SLC9A9: variants seen among roughly 807,000 people sequenced by gnomAD.
SLC9A9 encodes sodium/hydrogen exchanger 9.
In SLC9A9, 62 loss-of-function variants were observed where a neutral mutation model predicts 77.8. The ratio of observed to expected loss-of-function variants is 0.80; its 90% CI spans 0.65 to 0.98. The LOEUF is 0.98. Among genes scored for constraint, SLC9A9 ranks in the 50% least tolerant of loss-of-function variants. The pLI, the probability that SLC9A9 is intolerant of heterozygous loss-of-function variation, is 0.00. For missense variants in SLC9A9, 775 were observed against 774.9 expected, an observed-to-expected ratio of 1.00 and a Z score of 0.00; for synonymous variants, 320 against 283.5, an observed-to-expected ratio of 1.13 and a Z score of -1.29.
chr3:143,517,649 AGTC>A, intron 9 of SLC9A9: 2 of 1,597,312 alleles, frequency 1.3e-6, no homozygotes, highest in Non-Finnish European at 8.5e-7. Flanking sequence ...CTGGCCTAGA[AGTC>A]TGTGTGCTTT....
intron 4 of SLC9A9, among the ~76,000 whole-genome samples, chr3:143,738,710 C>T (rs1935002573): frequency 1.3e-5 from 2 of 152,092 alleles, no homozygotes; most frequent in South Asian, 4.1e-4. Context: ...TAGTTCTGAC[C>T]CACTGTCTAG....
chr3:143,409,389 C>T (rs949690522), intron 12 of SLC9A9, among the ~76,000 whole-genome samples: 11 of 152,158 alleles, frequency 7.2e-5, no homozygotes, highest in African/African-American at 2.7e-4. Flanking sequence ...TTATAAGCAC[C>T]TCTGAGAGTC....
chr3:143,640,779 G>A (rs939360151), intron 6 of SLC9A9, among the ~76,000 whole-genome samples: 2 of 152,162 alleles, frequency 1.3e-5, no homozygotes, highest in South Asian at 2.1e-4. Flanking sequence ...TTGAACCTGG[G>A]AGGTGTAGGT....
intron 13 of SLC9A9, among the ~76,000 whole-genome samples, chr3:143,379,578 G>A (rs1234950336): frequency 6.6e-6 from 1 of 152,196 alleles, no homozygotes; most frequent in East Asian, 1.9e-4. Context: ...CAGTTCAGGA[G>A]GCGCCATGTC....
intron 11 of SLC9A9, among the ~76,000 whole-genome samples, chr3:143,467,602 A>G (rs1371460076): frequency 6.6e-6 from 1 of 152,062 alleles, no homozygotes; most frequent in Non-Finnish European, 1.5e-5. Flanking sequence ...TAAATTAGCC[A>G]GGCATGGTGG....
chr3:143,492,733 C>T (rs2108590050), intron 11 of SLC9A9, among the ~76,000 whole-genome samples: 1 of 152,310 alleles, frequency 6.6e-6, no homozygotes, highest in South Asian at 2.1e-4. Flanking sequence ...TGGCAAATAG[C>T]AAGTGCTAAT....
At chr3:143,477,689 T>C (rs1279241798) in intron 11 of SLC9A9, among the ~76,000 whole-genome samples, 3 of 152,282 alleles carry the variant, frequency 2.0e-5, no homozygotes, top group Non-Finnish European at 4.4e-5. Context: ...GGAGTCTGTG[T>C]GTCACAGAAG....
chr3:143,742,589 T>A (rs1935100447), intron 4 of SLC9A9, among the ~76,000 whole-genome samples: 1 of 152,180 alleles, frequency 6.6e-6, no homozygotes, highest in South Asian at 2.1e-4. Flanking sequence ...TCTGAGAAAC[T>A]GTCACAGCTA....
chr3:143,711,617 T>A (rs915778714), intron 4 of SLC9A9, among the ~76,000 whole-genome samples: 1 of 149,904 alleles, frequency 6.7e-6, no homozygotes, highest in Non-Finnish European at 1.5e-5. Context: ...GGACTCAGCA[T>A]CTTGCCCAGG....
At chr3:143,564,795 A>G (rs2037142614) in intron 8 of SLC9A9, among the ~76,000 whole-genome samples, 1 of 152,204 alleles carries the variant, frequency 6.6e-6, no homozygotes, top group African/African-American at 2.4e-5. Context: ...TGCTGAGTAT[A>G]TAGATATGCA....
At chr3:143,828,287 T>C (rs1453170547) in intron 2 of SLC9A9, among the ~76,000 whole-genome samples, 1 of 152,174 alleles carries the variant, frequency 6.6e-6, no homozygotes, top group Non-Finnish European at 1.5e-5. Context: ...TATGTTTCTC[T>C]AGCCATATGT....
intron 4 of SLC9A9, among the ~76,000 whole-genome samples, chr3:143,762,931 G>A (rs1217754859): frequency 6.6e-6 from 1 of 152,184 alleles, no homozygotes; most frequent in African/African-American, 2.4e-5. Flanking sequence ...CAAACAGTGG[G>A]AAGCAATCAG....
chr3:143,434,084 T>C (rs879441897), intron 12 of SLC9A9, among the ~76,000 whole-genome samples: 1 of 152,176 alleles, frequency 6.6e-6, no homozygotes, highest in Non-Finnish European at 1.5e-5. Context: ...ATATGGCACA[T>C]AGTAGCACTG....
intron 14 of SLC9A9, among the ~76,000 whole-genome samples, chr3:143,328,164 G>T (rs953302106): frequency 5.3e-5 from 8 of 152,180 alleles, no homozygotes; most frequent in African/African-American, 9.7e-5. Flanking sequence ...CCCACGGAAT[G>T]CATAACACAA....
chr3:143,428,857 A>G (rs1175483143), intron 12 of SLC9A9, among the ~76,000 whole-genome samples: 1 of 152,192 alleles, frequency 6.6e-6, no homozygotes, highest in African/African-American at 2.4e-5. Context: ...GTGGAGTCCA[A>G]ACAGTTGATT....
Position 143,467,727 on chromosome 3 carries a change from A to AAGAGAGAGAGAGAGAGAGAGAGAGAGAG in SLC9A9, c.1316-565_1316-538dup, listed in dbSNP as rs111531862. 2.5e-4 allele frequency among the ~76,000 whole-genome samples: 36 copies of AAGAGAGAGAGAGAGAGAGAGAGAGAGAG among 144,802 alleles called. 1 individual carries two copies. Among genetic ancestry groups the AAGAGAGAGAGAGAGAGAGAGAGAGAGAG allele is most frequent in the Admixed American group, 9.0e-4 (13 of 14,412 alleles). The allele number at this position is 144,802 out of a possible 152,430, so 95.0% of individuals were successfully genotyped here. A position where few individuals can be genotyped will look rare whatever the true frequency, so the allele number is the denominator to read the frequency against. On this transcript the variant is annotated intron_variant, in intron 11 of 15. Coordinates refer to ENST00000316549, the MANE Select transcript of SLC9A9 (RefSeq NM_173653.4). ...GTGACAGAATAAGTCCCTGGCTCTA[A>AAGAGAGAGAGAGAGAGAGAGAGAGAGAG]AGAGAGAGAGAGAGAGAGAGAGAGA...
At chr3:143,620,879 T>A (rs2038194955) in intron 6 of SLC9A9, among the ~76,000 whole-genome samples, 1 of 151,936 alleles carries the variant, frequency 6.6e-6, no homozygotes, top group African/African-American at 2.4e-5. Context: ...AAGAAAGGGG[T>A]GACAGACGGC....
At chr3:143,416,854 C>T (rs563188827) in intron 12 of SLC9A9, among the ~76,000 whole-genome samples, 9 of 152,240 alleles carry the variant, frequency 5.9e-5, no homozygotes, top group South Asian at 2.1e-4. Context: ...TACATGCATT[C>T]GCACGTATAT....
At chr3:143,312,116 T>G (rs571342190) in intron 14 of SLC9A9, among the ~76,000 whole-genome samples, 1 of 152,260 alleles carries the variant, frequency 6.6e-6, no homozygotes, top group South Asian at 2.1e-4. Context: ...TGCAGGAAAA[T>G]AATCAGTTGC....
Sources: allele counts gnomAD v4.1 joint callset (sites outside exome capture counted in the v4.1 genomes callset), GRCh38; gene constraint gnomAD v4.1.1; transcripts MANE v1.5; gene names NCBI Gene and HGNC (gene_info 2026-07-23, HGNC 2026-07-21).